Variants in DCHS2 observed in about 807,000 individuals in gnomAD.
DCHS2 encodes the protein protocadherin-23.
In DCHS2, 142 loss-of-function variants were observed where a neutral mutation model predicts 182.4. That is an observed-to-expected ratio of 0.78 (90% CI 0.68 to 0.89). DCHS2 has a LOEUF of 0.89. DCHS2 is among the 40% of genes least tolerant of loss of function. The pLI, the probability that DCHS2 is intolerant of heterozygous loss-of-function variation, is 0.00. For synonymous variants in DCHS2, 1,740 were observed against 1,663.3 expected, an observed-to-expected ratio of 1.05 and a Z score of -1.12; for missense variants, 4,319 against 4,198.6, an observed-to-expected ratio of 1.03 and a Z score of -0.79.
chr4:154,471,317 T>C (rs1444401946), intron 1 of DCHS2, among the ~76,000 whole-genome samples: 26 of 152,228 alleles, frequency 1.7e-4, no homozygotes, highest in Admixed American at 1.7e-3. Context: ...TTCATGTGTG[T>C]TATTTATTGC....
At chr4:154,360,715 T>C (rs550372458) in intron 3 of DCHS2, among the ~76,000 whole-genome samples, 1 of 152,222 alleles carries the variant, frequency 6.6e-6, no homozygotes, top group African/African-American at 2.4e-5. Context: ...AGAAAACAAG[T>C]CTGTACTACA....
At chr4:154,466,455 T>C (rs1029552107) in intron 1 of DCHS2, among the ~76,000 whole-genome samples, 1 of 152,210 alleles carries the variant, frequency 6.6e-6, no homozygotes, top group Non-Finnish European at 1.5e-5. Context: ...CATCACTTTA[T>C]AGCAAGCGGT....
intron 1 of DCHS2, among the ~76,000 whole-genome samples, chr4:154,479,087 G>A (rs957403341): frequency 4.6e-5 from 7 of 152,158 alleles, no homozygotes; most frequent in African/African-American, 1.7e-4. Flanking sequence ...AGACACTCTT[G>A]TAATGAATGA....
chr4:154,266,332 TTG>T (rs200255395), intron 14 of DCHS2, among the ~76,000 whole-genome samples: 8,808 of 143,480 alleles, frequency 0.061, 496 homozygotes, highest in Admixed American at 0.18. Flanking sequence ...GGTTTTTTTT[TTG>T]TTGTTTGTTT....
At position 154,236,196 on chromosome 4, in the gene DCHS2, G is replaced by GA; in HGVS notation, c.8455dup (p.Ser2819PhefsTer3). On this transcript the variant is annotated frameshift_variant, in exon 20 of 20. Coordinates refer to ENST00000357232, the MANE Select transcript of DCHS2 (RefSeq NM_001358235.2). LOFTEE classifies it low-confidence loss of function (END_TRUNC). ...AATGAGGAAGAGATCATGATCATAAGACATTCCATGAGTGAGAAAACAGGG... is the reference window on the plus strand; with the variant it reads ...AATGAGGAAGAGATCATGATCATAAGAACATTCCATGAGTGAGAAAACAGGG... 1 of 1,613,906 alleles carries GA rather than the reference G, an allele frequency of 6.2e-7. No homozygotes were observed. The highest frequency in any genetic ancestry group is 8.5e-7 in the Non-Finnish European group (1 of 1,179,952).
intron 16 of DCHS2, among the ~76,000 whole-genome samples, chr4:154,254,008 A>C (rs1732522883): frequency 6.6e-6 from 1 of 152,224 alleles, no homozygotes; most frequent in Admixed American, 6.5e-5. Flanking sequence ...CAGAATACTT[A>C]AGTGCAAGTT....
In DCHS2 at chr4:154,490,484, T is replaced by A. The variant is rs1385245516; in HGVS notation, c.872A>T (p.Asp291Val). ...SVELRVLDENDNPPVFEQDEY... is the reference protein window; with the variant it reads ...SVELRVLDENVNPPVFEQDEY... ...GTCCTGCTCAAAGACCGGCGGGTTG[T>A]CGTTCTCATCCAGCACGCGCAGCTC... The change falls in exon 1 of 20, where the codon GAC becomes GTC. Residue 291 changes from aspartate (D) to valine (V), a missense_variant. Coordinates refer to ENST00000357232, the MANE Select transcript of DCHS2 (RefSeq NM_001358235.2). 2 of 1,536,688 alleles carry A rather than the reference T, an allele frequency of 1.3e-6. No individual in the cohort carries two copies. Among genetic ancestry groups the A allele is most frequent in the Non-Finnish European group, 1.7e-6 (2 of 1,146,446 alleles).
rs1401129467 is a variant in DCHS2 at position 154,332,997 on chromosome 4, CT to C, written c.3210del (p.Val1071SerfsTer30). 8 of 1,614,072 alleles carry C rather than the reference CT, an allele frequency of 5.0e-6. No homozygotes were observed. Among genetic ancestry groups the C allele is most frequent in the African/African-American group, 1.3e-5 (1 of 74,922 alleles). On this transcript the variant is annotated frameshift_variant, in exon 5 of 20. Coordinates refer to ENST00000357232, the MANE Select transcript of DCHS2 (RefSeq NM_001358235.2). LOFTEE classifies it high-confidence loss of function. The part of the protein sequence containing the change: ...VHPQAALLVL[T>X]VVIEKREHSP... ...CTGTGTTCGCGTTTCTCGATAACGA[CT>C]GTCAGCACCAGCAGGGCTGCCTGAG...
intron 1 of DCHS2, among the ~76,000 whole-genome samples, chr4:154,400,434 AACC>A (rs1579048294): frequency 1.3e-5 from 2 of 150,352 alleles, no homozygotes; most frequent in African/African-American, 4.9e-5. Flanking sequence ...ACTCTTCAGT[AACC>A]ACCCATCGAC....
At chr4:154,360,198 T>C (rs1262378691) in intron 3 of DCHS2, among the ~76,000 whole-genome samples, 1 of 152,090 alleles carries the variant, frequency 6.6e-6, no homozygotes, top group Non-Finnish European at 1.5e-5. Context: ...GAAAAGACAC[T>C]GAAAACTATT....
intron 7 of DCHS2, among the ~76,000 whole-genome samples, chr4:154,326,689 CT>C: frequency 6.6e-6 from 1 of 152,286 alleles, no homozygotes; most frequent in South Asian, 2.1e-4. Context: ...TTTCTACCCC[CT>C]CATATGTCAA....
chr4:154,239,281 G>A lies in DCHS2; in HGVS notation c.7381C>T (p.Pro2461Ser), dbSNP rs779643620. The change falls in exon 19 of 20, where the codon CCT becomes TCT. Residue 2461 changes from proline (P) to serine (S), a missense_variant. By Grantham distance (74) the Pro-to-Ser change is moderately conservative (BLOSUM62 -1). Coordinates refer to ENST00000357232, the MANE Select transcript of DCHS2 (RefSeq NM_001358235.2). ...AGAGTCAGCACTGAATACCCCACAGGTATTGATTCAGGAACTGTGACCTGA... is the reference window on the plus strand; with the variant it reads ...AGAGTCAGCACTGAATACCCCACAGATATTGATTCAGGAACTGTGACCTGA... ...FYQVTVPESI[P>S]VGYSVLTLSA... 6.2e-7 allele frequency: 1 copy of A among 1,613,014 alleles called. No individual in the cohort carries two copies.
chr4:154,385,784 G>T (rs1423463003), intron 1 of DCHS2, among the ~76,000 whole-genome samples: 1 of 152,022 alleles, frequency 6.6e-6, no homozygotes, highest in South Asian at 2.1e-4. Flanking sequence ...GAGCCACCAC[G>T]CCCAGCCCAA....
chr4:154,268,065 C>T (rs1733374201), intron 14 of DCHS2, among the ~76,000 whole-genome samples: 1 of 152,296 alleles, frequency 6.6e-6, no homozygotes, highest in Admixed American at 6.5e-5. Flanking sequence ...GCCCTGTGGC[C>T]ATGACTTTTG....
At chr4:154,305,282 T>C in intron 10 of DCHS2, 51 bp from the exon 11 acceptor site, 1 of 1,562,776 alleles carries the variant, frequency 6.4e-7, no homozygotes, top group Non-Finnish European at 8.6e-7. Flanking sequence ...TGAAATACAT[T>C]TATCCACTTT....
At chr4:154,465,438 G>C (rs960139916) in intron 1 of DCHS2, among the ~76,000 whole-genome samples, 4 of 152,152 alleles carry the variant, frequency 2.6e-5, no homozygotes, top group Non-Finnish European at 5.9e-5. Flanking sequence ...GGAGACCAAG[G>C]CGGGTGGGTC....
At chr4:154,325,183 C>A (rs951392472) in intron 7 of DCHS2, among the ~76,000 whole-genome samples, 1 of 151,972 alleles carries the variant, frequency 6.6e-6, no homozygotes, top group Non-Finnish European at 1.5e-5. Flanking sequence ...ATCTCATTCC[C>A]CTCCTTTTTC....
intron 1 of DCHS2, among the ~76,000 whole-genome samples, chr4:154,425,625 A>G (rs922212929): frequency 1.6e-4 from 24 of 152,330 alleles, no homozygotes; most frequent in African/African-American, 5.3e-4. Flanking sequence ...TCTCTACATT[A>G]TATAATAGAA....
intron 1 of DCHS2, chr4:154,384,299 T>C: frequency 6.4e-7 from 1 of 1,567,258 alleles, no homozygotes; most frequent in Non-Finnish European, 8.6e-7. Context: ...ATTGCCTCCT[T>C]ATTGAAACAT....
Sources: allele counts gnomAD v4.1 joint callset (sites outside exome capture counted in the v4.1 genomes callset), GRCh38; gene constraint gnomAD v4.1.1; transcripts MANE v1.5; gene names NCBI Gene and HGNC (gene_info 2026-07-23, HGNC 2026-07-21).